CYP7B1: variants seen among roughly 807,000 people sequenced by gnomAD.
CYP7B1 encodes cytochrome P450 family 7 subfamily B member 1.
Under a neutral mutation model 42.7 loss-of-function variants are expected in CYP7B1, and 29 were observed. That is an observed-to-expected ratio of 0.68 (90% CI 0.51 to 0.93). The LOEUF (loss-of-function observed/expected upper bound fraction) is 0.93. Among genes scored for constraint, CYP7B1 ranks in the 40% least tolerant of loss-of-function variants. The probability of loss-of-function intolerance (pLI) is 0.00; values close to 1 mark genes in which losing one functional copy is unlikely to be tolerated. For synonymous variants in CYP7B1, 235 were observed against 218.2 expected (o/e 1.08, Z -0.68); for missense variants, 655 against 600.5 (o/e 1.09, Z -0.95).
At chr8:64,734,164 C>A (rs551320079) in intron 1 of CYP7B1, among the ~76,000 whole-genome samples, 1 of 152,232 alleles carries the variant, frequency 6.6e-6, no homozygotes, top group African/African-American at 2.4e-5. Flanking sequence ...ATAACACATT[C>A]AATTCTTATA....
intron 1 of CYP7B1, among the ~76,000 whole-genome samples, chr8:64,756,810 T>A (rs1055002706): frequency 1.1e-4 from 16 of 152,230 alleles, no homozygotes; most frequent in African/African-American, 3.6e-4. Flanking sequence ...CTGTTTAATC[T>A]TTATGTTTCT....
intron 1 of CYP7B1, among the ~76,000 whole-genome samples, chr8:64,718,191 C>A (rs1252322229): frequency 6.6e-6 from 1 of 151,896 alleles, no homozygotes; most frequent in African/African-American, 2.4e-5. Flanking sequence ...ATTGAATATT[C>A]AAAGTGAGAG....
chr8:64,616,094 A>C lies in CYP7B1; in HGVS notation c.447T>G (p.Ser149=), dbSNP rs772892035. 3 of 1,613,752 alleles carry C rather than the reference A, an allele frequency of 1.9e-6. No homozygotes were observed. Among genetic ancestry groups the C allele is most frequent in the East Asian group, 2.2e-5 (1 of 44,862 alleles). The change falls in exon 3 of 6, where the codon TCT becomes TCG. Residue 149 remains serine, a synonymous_variant. Coordinates refer to ENST00000310193, the MANE Select transcript of CYP7B1 (RefSeq NM_004820.5). Reference sequence around the variant, plus strand: ...TCATGCTTTCCAAGAGTATGTCCAAAGATTTGCCTTGCAAAAATTGATAGC... The same window carrying C: ...TCATGCTTTCCAAGAGTATGTCCAACGATTTGCCTTGCAAAAATTGATAGC... ...HLCYQFLQGK[S]LDILLESMMQ... is the part of the protein sequence containing the mutation.
At chr8:64,623,597 G>A (rs1805562807) in intron 2 of CYP7B1, among the ~76,000 whole-genome samples, 1 of 152,208 alleles carries the variant, frequency 6.6e-6, no homozygotes, top group Admixed American at 6.5e-5. Flanking sequence ...ACTAGTAACA[G>A]TCTAGCTTCT....
At chr8:64,734,119 T>G (rs1807452949) in intron 1 of CYP7B1, among the ~76,000 whole-genome samples, 1 of 152,226 alleles carries the variant, frequency 6.6e-6, no homozygotes, top group Non-Finnish European at 1.5e-5. Flanking sequence ...GTGCTTACTT[T>G]TTACTCAGGT....
chr8:64,691,547 A>C (rs1240912307), intron 1 of CYP7B1, among the ~76,000 whole-genome samples: 1 of 151,780 alleles, frequency 6.6e-6, no homozygotes, highest in East Asian at 1.9e-4. Flanking sequence ...TCAACTGTAA[A>C]TGCAATAGGC....
intron 1 of CYP7B1, among the ~76,000 whole-genome samples, chr8:64,661,468 GA>G (rs1806198961): frequency 6.6e-6 from 1 of 152,112 alleles, no homozygotes; most frequent in Non-Finnish European, 1.5e-5. Flanking sequence ...TTTTTGTTGA[GA>G]ATCAGAGATG....
intron 1 of CYP7B1, among the ~76,000 whole-genome samples, chr8:64,660,219 G>T (rs1444902045): frequency 6.6e-6 from 1 of 152,140 alleles, no homozygotes; most frequent in Non-Finnish European, 1.5e-5. Context: ...AAAACATGGT[G>T]CAGGCAGGGT....
intron 1 of CYP7B1, among the ~76,000 whole-genome samples, chr8:64,637,942 C>A (rs967497000): frequency 1.3e-5 from 2 of 152,128 alleles, no homozygotes; most frequent in African/African-American, 4.8e-5. Context: ...TTTTGCTCCA[C>A]TTACTGACAG....
At chr8:64,739,187 T>C (rs1279267295) in intron 1 of CYP7B1, among the ~76,000 whole-genome samples, 1 of 152,122 alleles carries the variant, frequency 6.6e-6, no homozygotes, top group Non-Finnish European at 1.5e-5. Context: ...CTAAGGGAAT[T>C]GAGGGAAGCT....
intron 1 of CYP7B1, among the ~76,000 whole-genome samples, chr8:64,783,826 G>A (rs1321821399): frequency 6.6e-6 from 1 of 152,100 alleles, no homozygotes; most frequent in Non-Finnish European, 1.5e-5. Flanking sequence ...AGAGACAAAT[G>A]CAAAGCCTGA....
intron 1 of CYP7B1, among the ~76,000 whole-genome samples, chr8:64,665,406 G>A (rs1160589333): frequency 6.6e-6 from 1 of 152,106 alleles, no homozygotes; most frequent in East Asian, 1.9e-4. Context: ...AACTTAAAAG[G>A]CAGAAATGCT....
intron 1 of CYP7B1, among the ~76,000 whole-genome samples, chr8:64,701,917 AT>A (rs1806921793): frequency 6.6e-6 from 1 of 152,096 alleles, no homozygotes; most frequent in Admixed American, 6.6e-5. Flanking sequence ...ACAAACAAAA[AT>A]AAAAAGACCA....
intron 1 of CYP7B1, among the ~76,000 whole-genome samples, chr8:64,780,483 A>C (rs930144696): frequency 8.5e-5 from 13 of 152,064 alleles, no homozygotes; most frequent in African/African-American, 3.1e-4. Context: ...TTTTATATTA[A>C]GCAATTATAG....
At chr8:64,644,721 T>C (rs1445273880) in intron 1 of CYP7B1, among the ~76,000 whole-genome samples, 1 of 152,174 alleles carries the variant, frequency 6.6e-6, no homozygotes, top group African/African-American at 2.4e-5. Flanking sequence ...GCTACATCAT[T>C]TCATTTATCG....
chr8:64,664,815 T>A (rs1005799347), intron 1 of CYP7B1, among the ~76,000 whole-genome samples: 1 of 152,158 alleles, frequency 6.6e-6, no homozygotes, highest in Admixed American at 6.5e-5. Context: ...ATCCTAAGGG[T>A]ACTGAAGCAT....
chr8:64,669,142 T>C (rs1806327130), intron 1 of CYP7B1, among the ~76,000 whole-genome samples: 1 of 152,046 alleles, frequency 6.6e-6, no homozygotes, highest in Non-Finnish European at 1.5e-5. Flanking sequence ...AAAATGAAGA[T>C]ATCAAATTTG....
Position 64,615,991 on chromosome 8 carries a change from A to G in CYP7B1, c.550T>C (p.Cys184Arg). 1 of 1,613,784 alleles carries G rather than the reference A, an allele frequency of 6.2e-7. No homozygotes were observed. Among genetic ancestry groups the G allele is most frequent in the Non-Finnish European group, 8.5e-7 (1 of 1,179,828 alleles). The change falls in exon 3 of 6, where the codon TGC (cysteine) becomes CGC (arginine). Residue 184 changes from cysteine to arginine, a missense_variant. Physicochemically the swap from Cys to Arg is radical, Grantham distance 180. Transcript: ENST00000310193. ...GTGATCTCAAATATTATTGAGCTGC[A>G]GAATGGATACAGTTCTGCCGTGTCC... The part of the protein sequence containing the change: ...SWDTAELYPF[C>R]SSIIFEITFT...
intron 1 of CYP7B1, among the ~76,000 whole-genome samples, chr8:64,642,803 C>T (rs565611314): frequency 1.6e-4 from 24 of 152,168 alleles, no homozygotes; most frequent in African/African-American, 5.8e-4. Context: ...GGGGTGCTTA[C>T]AGGCTGATGA....
Sources: gnomAD v4.1 joint callset for allele counts (sites outside exome capture counted in the v4.1 genomes callset) on GRCh38, gnomAD v4.1.1 for gene constraint, MANE v1.5 for transcripts, NCBI Gene and HGNC (gene_info 2026-07-23, HGNC 2026-07-21) for gene names.